LRCH3: variants seen among roughly 807,000 people sequenced by gnomAD.
LRCH3 encodes the protein leucine rich repeats and calponin homology domain containing 3.
In LRCH3, 68 loss-of-function variants were observed where a neutral mutation model predicts 104.5. The observed-to-expected ratio is 0.65, with a 90% confidence interval of 0.54 to 0.80. The LOEUF is 0.80. Among genes scored for constraint, LRCH3 ranks in the 30% least tolerant of loss-of-function variants. LRCH3 has a pLI of 0.00. For synonymous variants in LRCH3, 344 were observed against 361.3 expected (o/e 0.95, Z 0.54); for missense variants, 951 against 953.9 (o/e 1.00, Z 0.04).
At chr3:197,859,915 C>G (rs1171219842) in intron 15 of LRCH3, among the ~76,000 whole-genome samples, 1 of 152,146 alleles carries the variant, frequency 6.6e-6, no homozygotes, top group East Asian at 1.9e-4. Context: ...TGAATTTTCA[C>G]AAGTTCTGTG....
intron 10 of LRCH3, 147 bp downstream of exon 10, chr3:197,839,544 T>C (rs1737480418): frequency 1.9e-6 from 1 of 517,274 alleles, no homozygotes; most frequent in South Asian, 3.3e-5. Context: ...TTTGTACTCA[T>C]GCCATAGAAA....
At chr3:197,832,009 G>T (rs967087629) in intron 7 of LRCH3, among the ~76,000 whole-genome samples, 188 bp from the exon 8 acceptor site, 16 of 152,036 alleles carry the variant, frequency 1.1e-4, no homozygotes, top group African/African-American at 3.6e-4. Flanking sequence ...CGAACTCCTG[G>T]GCTGAAGCGA....
At position 197,857,585 on chromosome 3, in the gene LRCH3, C is replaced by T. The variant is rs187637315; in HGVS notation, c.1645-1249C>T. On this transcript the variant is annotated intron_variant, in intron 14 of 20. Transcript: ENST00000425562. ...TCTCTTCGGGCTACCCCTCAAACTCCTGTTGCTTTCGTCTATATCAGGTCT... is the reference window on the plus strand; with the variant it reads ...TCTCTTCGGGCTACCCCTCAAACTCTTGTTGCTTTCGTCTATATCAGGTCT... Among the ~76,000 whole-genome samples the T allele has an allele frequency of 3.9e-5, 6 of 152,368 alleles. No individual in the cohort carries two copies. The East Asian group carries it at 1.2e-3, about 29-fold the overall frequency.
intron 20 of LRCH3, chr3:197,881,330 T>C (rs1713748269): frequency 1.0e-6 from 1 of 988,746 alleles, no homozygotes; most frequent in Non-Finnish European, 1.2e-6. Flanking sequence ...AATTTTAGTT[T>C]GGTCAGAATG....
chr3:197,796,096 A>G (rs1015356849), intron 1 of LRCH3, among the ~76,000 whole-genome samples: 6 of 152,204 alleles, frequency 3.9e-5, no homozygotes, highest in African/African-American at 1.4e-4. Context: ...ATTAGAGAAT[A>G]TAAGAGCTGC....
At chr3:197,839,704 G>T (rs528237292) in intron 10 of LRCH3, among the ~76,000 whole-genome samples, 1 of 152,266 alleles carries the variant, frequency 6.6e-6, no homozygotes, top group Admixed American at 6.5e-5. Flanking sequence ...TCAGGACTGG[G>T]CATAGTGGCT....
At chr3:197,879,947 A>ATT (rs1327149985) in intron 20 of LRCH3, among the ~76,000 whole-genome samples, 57 of 123,332 alleles carry the variant, frequency 4.6e-4, no homozygotes, top group African/African-American at 6.1e-4. Context: ...TGTGTATTGT[A>ATT]TTTTTTTTTT....
intron 20 of LRCH3, among the ~76,000 whole-genome samples, chr3:197,878,358 T>G (rs555148303): frequency 9.9e-5 from 15 of 152,272 alleles, no homozygotes; most frequent in African/African-American, 3.4e-4. Context: ...AAATACACAT[T>G]TAAGTTGGTA....
chr3:197,857,219 A>G (rs1740370505), intron 14 of LRCH3, among the ~76,000 whole-genome samples: 1 of 134,060 alleles, frequency 7.5e-6, no homozygotes, highest in South Asian at 2.3e-4. Flanking sequence ...TCTTCGGGCT[A>G]CCCCTCAAGC....
intron 10 of LRCH3, among the ~76,000 whole-genome samples, chr3:197,841,919 A>G (rs947332801): frequency 4.0e-5 from 6 of 151,766 alleles, no homozygotes; most frequent in Non-Finnish European, 7.4e-5. Flanking sequence ...TGCAGCCTCT[A>G]CCTCCCAGGC....
chr3:197,803,193 T>C (rs919300033), intron 1 of LRCH3, among the ~76,000 whole-genome samples: 1 of 152,220 alleles, frequency 6.6e-6, no homozygotes, highest in African/African-American at 2.4e-5. Flanking sequence ...TTTTCAACTT[T>C]GGTAGTTATA....
At chr3:197,845,444 G>T (rs1738525853) in intron 10 of LRCH3, among the ~76,000 whole-genome samples, 1 of 151,564 alleles carries the variant, frequency 6.6e-6, no homozygotes, top group Non-Finnish European at 1.5e-5. Context: ...AGAAACATAG[G>T]TAGAAAGAAG....
chr3:197,871,738 C>A (rs561221369), intron 19 of LRCH3, among the ~76,000 whole-genome samples: 166 of 152,204 alleles, frequency 1.1e-3, no homozygotes, highest in Admixed American at 4.6e-3. Context: ...GGAAGCCTTC[C>A]CAGAACGGGC....
At chr3:197,812,821 C>G (rs1266677397) in intron 1 of LRCH3, among the ~76,000 whole-genome samples, 1 of 152,150 alleles carries the variant, frequency 6.6e-6, no homozygotes, top group African/African-American at 2.4e-5. Context: ...CTCGGCCTGT[C>G]AAAGTGCTGG....
chr3:197,868,473 C>T (rs1032759641), intron 17 of LRCH3, among the ~76,000 whole-genome samples: 12 of 152,266 alleles, frequency 7.9e-5, no homozygotes, highest in East Asian at 7.7e-4. Flanking sequence ...TGGATACTGA[C>T]GGATGACTGT....
intron 4 of LRCH3, chr3:197,823,083 A>C (rs1734681605): frequency 6.9e-6 from 1 of 145,508 alleles, no homozygotes; most frequent in African/African-American, 2.5e-5. Context: ...TCTGCCTCCC[A>C]AGTAGCTGGG....
Position 197,833,365 on chromosome 3 carries a change from G to GAAAAAAAAAAA in LRCH3, c.1102+1064_1102+1074dup, listed in dbSNP as rs71166710. ...TGAAACCCCATCTCTACTAAAAACC[G>GAAAAAAAAAAA]AAAAAAAAAAAAAAAAAAAAAAAAA... On this transcript the variant is annotated intron_variant, in intron 8 of 20. Transcript: ENST00000425562. 2.4e-4 allele frequency among the ~76,000 whole-genome samples: 8 copies of GAAAAAAAAAAA among 33,338 alleles called. 1 individual carries two copies. The highest frequency in any genetic ancestry group is 3.4e-4 in the Non-Finnish European group (7 of 20,720). 21.9% of individuals were successfully genotyped at this position (33,338 alleles called of 152,430 possible).
chr3:197,865,602 G>A (rs1741391758), intron 16 of LRCH3, 131 bp downstream of exon 16: 1 of 501,666 alleles, frequency 2.0e-6, no homozygotes, highest in Non-Finnish European at 3.4e-6. Flanking sequence ...CTGGGCTCAA[G>A]GGATCCTCCT....
At chr3:197,794,191 T>G (rs1387425045) in intron 1 of LRCH3, among the ~76,000 whole-genome samples, 1 of 152,232 alleles carries the variant, frequency 6.6e-6, no homozygotes, top group East Asian at 1.9e-4. Flanking sequence ...ATCACCACTA[T>G]GTAGTATCAG....
Sources: gnomAD v4.1 joint callset for allele counts (sites outside exome capture counted in the v4.1 genomes callset) on GRCh38, gnomAD v4.1.1 for gene constraint, MANE v1.5 for transcripts, NCBI Gene and HGNC (gene_info 2026-07-23, HGNC 2026-07-21) for gene names.